HIVEP2: variants seen among roughly 807,000 people sequenced by gnomAD.
HIVEP2 encodes the protein transcription factor HIVEP2.
In HIVEP2, 14 loss-of-function variants were observed where a neutral mutation model predicts 180.7. That is an observed-to-expected ratio of 0.08 (90% CI 0.05 to 0.12). The LOEUF is 0.12. HIVEP2 is among the 10% of genes least tolerant of loss of function. HIVEP2 has a pLI of 1.00. For synonymous variants in HIVEP2, 1,184 were observed against 1,136.4 expected, an observed-to-expected ratio of 1.04 and a Z score of -0.84; for missense variants, 2,579 against 3,008.5, an observed-to-expected ratio of 0.86 and a Z score of 3.34.
At chr6:142,927,305 T>C (rs1345291979) in intron 1 of HIVEP2, among the ~76,000 whole-genome samples, 2 of 152,208 alleles carry the variant, frequency 1.3e-5, no homozygotes, top group Admixed American at 1.3e-4. Context: ...TTGAACGCAG[T>C]TTCCCTAAAG....
intron 1 of HIVEP2, among the ~76,000 whole-genome samples, chr6:142,841,038 A>C (rs1172737804): frequency 6.6e-6 from 1 of 152,052 alleles, no homozygotes; most frequent in Non-Finnish European, 1.5e-5. Context: ...TCTAATATAA[A>C]ATGTATCTAC....
chr6:142,925,174 G>A (rs538458922), intron 1 of HIVEP2, among the ~76,000 whole-genome samples: 1 of 152,202 alleles, frequency 6.6e-6, no homozygotes, highest in Admixed American at 6.5e-5. Flanking sequence ...CAATTTTATT[G>A]TGAAGGAAAA....
intron 1 of HIVEP2, among the ~76,000 whole-genome samples, chr6:142,896,004 C>G (rs961707603): frequency 4.6e-5 from 7 of 152,124 alleles, no homozygotes; most frequent in African/African-American, 1.7e-4. Context: ...AAAACTTCAT[C>G]AGAAGTTTTC....
At chr6:142,813,857 T>C (rs1434443914) in intron 2 of HIVEP2, among the ~76,000 whole-genome samples, 1 of 151,964 alleles carries the variant, frequency 6.6e-6, no homozygotes, top group Non-Finnish European at 1.5e-5. Flanking sequence ...TGAGCCACCA[T>C]GCCTGGCCTC....
chr6:142,830,823 G>T (rs183503274), intron 2 of HIVEP2, among the ~76,000 whole-genome samples: 3 of 152,034 alleles, frequency 2.0e-5, no homozygotes, highest in Non-Finnish European at 4.4e-5. Flanking sequence ...ATCACTGACC[G>T]CTTCCTCCTG....
chr6:142,927,059 C>G lies in HIVEP2; in HGVS notation c.-641+18040G>C, dbSNP rs117928596. 0.011 allele frequency among the ~76,000 whole-genome samples: 1,733 copies of G among 151,576 alleles called. 82 individuals are homozygous for G. The East Asian group carries it at 0.17, about 15-fold the overall frequency. On this transcript the variant is annotated intron_variant, in intron 1 of 9. Coordinates refer to ENST00000367603, the MANE Select transcript of HIVEP2 (RefSeq NM_006734.4). ...AGGGCTCCCCTCTCCCGCTGGCGCT[C>G]CCGGCGCCTCCGTCCCCGGCCGGCC...
intron 2 of HIVEP2, among the ~76,000 whole-genome samples, chr6:142,795,265 C>A (rs1463477982): frequency 6.6e-6 from 1 of 152,048 alleles, no homozygotes; most frequent in African/African-American, 2.4e-5. Flanking sequence ...TGAATTCATA[C>A]AATATTCAGT....
chr6:142,920,370 C>T (rs536417839), intron 1 of HIVEP2, among the ~76,000 whole-genome samples: 102 of 152,284 alleles, frequency 6.7e-4, no homozygotes, highest in African/African-American at 2.1e-3. Context: ...GAGTGGCTCA[C>T]GGCTTCACTT....
chr6:142,785,024 A>G (rs1166754599), intron 2 of HIVEP2, among the ~76,000 whole-genome samples: 1 of 151,912 alleles, frequency 6.6e-6, no homozygotes, highest in Non-Finnish European at 1.5e-5. Flanking sequence ...AGTAGCTGGG[A>G]CTACAGGCAC....
Position 142,858,005 on chromosome 6 carries a change from T to C in HIVEP2, c.-640-20958A>G, listed in dbSNP as rs1775869857. 3.3e-5 allele frequency among the ~76,000 whole-genome samples: 5 copies of C among 152,126 alleles called. No homozygotes were observed. The South Asian group carries it at 1.0e-3, about 32-fold the overall frequency. On this transcript the variant is annotated intron_variant, in intron 1 of 9. Transcript: ENST00000367603. ...AGCTATGCATGGTCCCCGGCAGGGATGCTGCAGCTGACCTAGGGCGACAGG... is the reference window on the plus strand; with the variant it reads ...AGCTATGCATGGTCCCCGGCAGGGACGCTGCAGCTGACCTAGGGCGACAGG...
chr6:142,900,535 G>A (rs1777110175), intron 1 of HIVEP2, among the ~76,000 whole-genome samples: 1 of 152,170 alleles, frequency 6.6e-6, no homozygotes, highest in Non-Finnish European at 1.5e-5. Flanking sequence ...CAATTAAACA[G>A]CTCTCCCTGG....
At chr6:142,903,478 G>A (rs1201008289) in intron 1 of HIVEP2, among the ~76,000 whole-genome samples, 1 of 152,140 alleles carries the variant, frequency 6.6e-6, no homozygotes, top group Non-Finnish European at 1.5e-5. Context: ...TGTACTTGGA[G>A]TACAATCATT....
Position 142,771,499 on chromosome 6 carries a change from C to G in HIVEP2, c.3240G>C (p.Leu1080=), listed in dbSNP as rs1775542173. The G allele has an allele frequency of 2.5e-6, 4 of 1,613,698 alleles. No homozygotes were observed. The highest frequency in any genetic ancestry group is 3.4e-6 in the Non-Finnish European group (4 of 1,180,036). ...SPSRERKKCF[L]VRQASFSGSP... is the part of the protein sequence containing the mutation. Reference sequence around the variant, plus strand: ...AGCCACTGAAGGAAGCTTGCCGCACCAGAAAGCATTTCTTCCTCTCCCTGG... The same window carrying G: ...AGCCACTGAAGGAAGCTTGCCGCACGAGAAAGCATTTCTTCCTCTCCCTGG... The change falls in exon 5 of 10, where the codon CTG becomes CTC. Residue 1080 remains leucine, a synonymous_variant. Coordinates refer to ENST00000367603, the MANE Select transcript of HIVEP2 (RefSeq NM_006734.4). This position sits in a 1 kb window ranked among gnomAD's most constrained non-coding sequence, Gnocchi z 5.4.
chr6:142,920,315 GT>G (rs1466144794), intron 1 of HIVEP2, among the ~76,000 whole-genome samples: 5 of 152,174 alleles, frequency 3.3e-5, no homozygotes, highest in African/African-American at 9.7e-5. Flanking sequence ...GCTTCCAAAG[GT>G]TCGGCATGCA....
At chr6:142,826,067 G>A (rs1774893161) in intron 2 of HIVEP2, among the ~76,000 whole-genome samples, 1 of 151,998 alleles carries the variant, frequency 6.6e-6, no homozygotes, top group Non-Finnish European at 1.5e-5. Flanking sequence ...GATCTTCCAC[G>A]CTAAACAGAC....
chr6:142,870,158 C>T (rs1310060872), intron 1 of HIVEP2, among the ~76,000 whole-genome samples: 1 of 151,772 alleles, frequency 6.6e-6, no homozygotes, highest in African/African-American at 2.4e-5. Context: ...CCTGCCAATC[C>T]TTTGGGGTTC....
At chr6:142,846,308 T>C (rs769509909) in intron 1 of HIVEP2, among the ~76,000 whole-genome samples, 1 of 152,100 alleles carries the variant, frequency 6.6e-6, no homozygotes, top group Non-Finnish European at 1.5e-5. Context: ...AGAATATACA[T>C]TCCCAAATCT....
chr6:142,842,569 T>A (rs1163376215), intron 1 of HIVEP2, among the ~76,000 whole-genome samples: 1 of 152,174 alleles, frequency 6.6e-6, no homozygotes, highest in Non-Finnish European at 1.5e-5. Flanking sequence ...GTCAAGTTTG[T>A]CAAGTCGAGT....
At chr6:142,944,235 G>T (rs1314998436) in intron 1 of HIVEP2, among the ~76,000 whole-genome samples, 3 of 151,990 alleles carry the variant, frequency 2.0e-5, no homozygotes, top group Non-Finnish European at 4.4e-5. Flanking sequence ...GGTTGGGGTC[G>T]CATTTTCTCA....
Sources: gnomAD v4.1 joint callset for allele counts (sites outside exome capture counted in the v4.1 genomes callset) on GRCh38, gnomAD v4.1.1 for gene constraint, Gnocchi (gnomAD v3.1) non-coding constraint, MANE v1.5 for transcripts, NCBI Gene and HGNC (gene_info 2026-07-23, HGNC 2026-07-21) for gene names.